Variants in P2RY6 observed in about 807,000 individuals in gnomAD.
P2RY6 encodes pyrimidinergic receptor P2Y6.
A neutral mutation model predicts 16.3 loss-of-function variants in P2RY6; 19 were observed. The ratio of observed to expected loss-of-function variants is 1.16; its 90% CI spans 0.81 to 1.71. The LOEUF (loss-of-function observed/expected upper bound fraction) is 1.71, where lower values mean the gene tolerates loss of function less well. P2RY6 is among the 40% of genes most tolerant of loss of function. The pLI is 0.00. For missense variants in P2RY6, 389 were observed against 455.5 expected, an observed-to-expected ratio of 0.85 and a Z score of 1.33; for synonymous variants, 184 against 201.5, an observed-to-expected ratio of 0.91 and a Z score of 0.74.
At chr11:73,281,265 A>G (rs1020481175) in intron 1 of P2RY6, among the ~76,000 whole-genome samples, 17 of 152,190 alleles carry the variant, frequency 1.1e-4, no homozygotes, top group Middle Eastern at 3.2e-3. Context: ...GGTACAGTCC[A>G]GGTCAAGCAC....
upstream of P2RY6, among the ~76,000 whole-genome samples, chr11:73,270,634 A>C (rs58051534): frequency 4.6e-5 from 7 of 152,280 alleles, no homozygotes; most frequent in Middle Eastern, 3.4e-3. Flanking sequence ...CCCTCTCTGG[A>C]CCACAGAGGA....
intron 1 of P2RY6, among the ~76,000 whole-genome samples, chr11:73,288,427 T>G (rs1864054530): frequency 2.6e-5 from 4 of 152,190 alleles, no homozygotes; most frequent in Admixed American, 2.6e-4. Flanking sequence ...AGTGGGAGGT[T>G]GAGAAGGGGA....
At chr11:73,278,000 TGTTA>T (rs1320429175) in intron 1 of P2RY6, among the ~76,000 whole-genome samples, 1 of 151,358 alleles carries the variant, frequency 6.6e-6, no homozygotes, top group Non-Finnish European at 1.5e-5. Flanking sequence ...GTTTGTTTGT[TGTTA>T]TTTTGTTTGT....
At chr11:73,273,492 G>A (rs1863405409) in intron 1 of P2RY6, among the ~76,000 whole-genome samples, 1 of 152,090 alleles carries the variant, frequency 6.6e-6, no homozygotes, top group Admixed American at 6.5e-5. Context: ...CTGGCTGGGT[G>A]GGTGGAACTC....
chr11:73,282,783 G>A (rs1055178358), intron 1 of P2RY6, among the ~76,000 whole-genome samples: 8 of 152,158 alleles, frequency 5.3e-5, no homozygotes, highest in African/African-American at 1.9e-4. Flanking sequence ...GAGGGAGGGA[G>A]GAAGGGAGCA....
At chr11:73,294,112 G>A (rs924526713) in intron 1 of P2RY6, among the ~76,000 whole-genome samples, 4 of 151,764 alleles carry the variant, frequency 2.6e-5, no homozygotes, top group African/African-American at 7.3e-5. Flanking sequence ...TTATGGTGAC[G>A]AGGGGAACAT....
intron 1 of P2RY6, among the ~76,000 whole-genome samples, chr11:73,294,282 CATCAGACTAGCAT>C (rs1864388476): frequency 6.6e-6 from 1 of 152,210 alleles, no homozygotes; most frequent in African/African-American, 2.4e-5. Context: ...TGGTCTCCTC[CATCAGACTAGCAT>C]ATCTGTATCT....
intron 2 of P2RY6, among the ~76,000 whole-genome samples, chr11:73,296,257 T>A (rs548873711): frequency 4.5e-4 from 65 of 143,838 alleles, no homozygotes; most frequent in South Asian, 4.2e-3. Context: ...TATATATATA[T>A]AATATATAAA....
intron 1 of P2RY6, chr11:73,265,395 TATA>T (rs1863068657): frequency 6.6e-6 from 1 of 152,242 alleles, no homozygotes; most frequent in African/African-American, 2.4e-5. Flanking sequence ...TGCATTCTTC[TATA>T]ATATTTCTGC....
rs750610106 is a variant in P2RY6, at chr11:73,297,508, C to A, written c.*3C>A. ...AATGGCAGAGGCAGGGTCGCTGAGT[C>A]CTCCAGGTCCTGGGCAGCCTTCATA... On this transcript the variant is annotated 3_prime_UTR_variant, in exon 3 of 3. Transcript: ENST00000540124. 24 of 1,599,678 alleles carry A rather than the reference C, an allele frequency of 1.5e-5. No individual in the cohort carries two copies. The Admixed American group carries it at 3.9e-4, about 26-fold the overall frequency.
At chr11:73,292,942 G>A in intron 1 of P2RY6, 3 of 969,370 alleles carry the variant, frequency 3.1e-6, no homozygotes, top group Non-Finnish European at 3.7e-6. Context: ...TGCATCTTGG[G>A]GCCATGGGCC....
At chr11:73,286,842 C>A (rs1863992655) in intron 1 of P2RY6, among the ~76,000 whole-genome samples, 1 of 152,156 alleles carries the variant, frequency 6.6e-6, no homozygotes, top group Non-Finnish European at 1.5e-5. Flanking sequence ...CTTTCTTAAG[C>A]CACTCTTCCT....
intron 1 of P2RY6, among the ~76,000 whole-genome samples, chr11:73,272,784 G>A (rs1863370157): frequency 2.0e-5 from 3 of 152,202 alleles, no homozygotes; most frequent in Admixed American, 2.0e-4. Flanking sequence ...GTCTTGGTTG[G>A]AGTGCAAATG....
chr11:73,296,815 C>A lies in P2RY6; in HGVS notation c.297C>A (p.Cys99Ter). The change falls in exon 3 of 3, where the codon TGC becomes TGA. Residue 99 changes from cysteine (C) to a stop codon, truncating the protein, a stop_gained. Coordinates refer to ENST00000540124, the MANE Select transcript of P2RY6 (RefSeq NM_001277204.2). LOFTEE classifies it high-confidence loss of function. ...GDHWPFGDFACRLVRFLFYAN... is the reference protein window; with the variant it reads ...GDHWPFGDFA ...ACTGGCCCTTTGGCGACTTCGCCTG[C>A]CGCCTGGTCCGCTTCCTCTTCTATG... 1 of 1,610,404 alleles carries A rather than the reference C, an allele frequency of 6.2e-7. No individual in the cohort carries two copies. The highest frequency in any genetic ancestry group is 8.5e-7 in the Non-Finnish European group (1 of 1,180,024).
chr11:73,289,718 C>A (rs1358965992), intron 1 of P2RY6, among the ~76,000 whole-genome samples: 13 of 152,208 alleles, frequency 8.5e-5, no homozygotes, highest in Admixed American at 8.5e-4. Context: ...ATCTGAGCAT[C>A]CAAGCTCCGA....
At chr11:73,294,085 T>C (rs1196836337) in intron 1 of P2RY6, among the ~76,000 whole-genome samples, 1 of 152,040 alleles carries the variant, frequency 6.6e-6, no homozygotes, top group Non-Finnish European at 1.5e-5. Flanking sequence ...AGGAGATCAG[T>C]CTGCAAGGAC....
At chr11:73,292,710 G>T in intron 1 of P2RY6, 1 of 714,436 alleles carries the variant, frequency 1.4e-6, no homozygotes, top group Non-Finnish European at 1.7e-6. Context: ...CAGGCACTAG[G>T]CGTGGTGTTG....
intron 1 of P2RY6, chr11:73,292,971 G>T: frequency 5.8e-6 from 2 of 345,248 alleles, no homozygotes; most frequent in South Asian, 1.2e-4. Context: ...GGTTGCGGGG[G>T]GTGGGGGGGG....
Position 73,296,920 on chromosome 11 carries a change from CT to C in P2RY6, c.403del (p.Trp135GlyfsTer12), listed in dbSNP as rs1864518079. ...YLGICHPLAP[W>X]HKRGGRRAAW... ...TGGGCATCTGCCACCCGCTGGCCCC[CT>C]GGCACAAACGTGGGGGCCGCCGGGC... On this transcript the variant is annotated frameshift_variant, in exon 3 of 3. Transcript: ENST00000540124. LOFTEE classifies it high-confidence loss of function. 9 of 1,608,620 alleles carry C rather than the reference CT, an allele frequency of 5.6e-6. No individual in the cohort carries two copies. Among genetic ancestry groups the C allele is most frequent in the Non-Finnish European group, 6.8e-6 (8 of 1,180,016 alleles).
Sources: allele counts gnomAD v4.1 joint callset (sites outside exome capture counted in the v4.1 genomes callset), GRCh38; gene constraint gnomAD v4.1.1; transcripts MANE v1.5; gene names NCBI Gene and HGNC (gene_info 2026-07-23, HGNC 2026-07-21).